The following RBFOX1 variants were observed in gnomAD, a reference collection of about 807,000 sequenced individuals.
RBFOX1 encodes RNA binding protein fox-1 homolog 1.
Under a neutral mutation model 57.7 loss-of-function variants are expected in RBFOX1, and 8 were observed. That is an observed-to-expected ratio of 0.14 (90% CI 0.08 to 0.25). RBFOX1 has a LOEUF of 0.25. Among genes scored for constraint, RBFOX1 ranks in the 10% least tolerant of loss-of-function variants. The pLI, the probability that RBFOX1 is intolerant of heterozygous loss-of-function variation, is 1.00. For synonymous variants in RBFOX1, 326 were observed against 222.4 expected (o/e 1.47, Z -4.15); for missense variants, 611 against 548.5 (o/e 1.11, Z -1.14).
In RBFOX1 at chr16:7,182,318, C is replaced by CA. The variant is rs1225082676; in HGVS notation, c.27+130229dup. On this transcript the variant is annotated intron_variant, in intron 4 of 15. Transcript: ENST00000550418. ...ATTCCGAGAGTCACCTGCCCCCCTG[C>CA]AAAAAAAAAGACCAAAAAGTAAAAA... 4.5e-3 allele frequency among the ~76,000 whole-genome samples: 685 copies of CA among 150,560 alleles called. 6 individuals are homozygous for CA. Among genetic ancestry groups the CA allele is most frequent in the Middle Eastern group, 0.017 (5 of 294 alleles).
At chr16:6,055,249 A>G (rs1474632299) in intron 1 of RBFOX1, among the ~76,000 whole-genome samples, 2 of 152,056 alleles carry the variant, frequency 1.3e-5, no homozygotes, top group African/African-American at 4.8e-5. Flanking sequence ...TCTTCTTTCA[A>G]TGCACTTGTG....
intron 3 of RBFOX1, among the ~76,000 whole-genome samples, chr16:6,724,924 T>G (rs2066835701): frequency 6.6e-6 from 1 of 152,140 alleles, no homozygotes; most frequent in South Asian, 2.1e-4. Flanking sequence ...GTAGCATTTG[T>G]AAACTGTCAT....
At chr16:5,335,757 C>T (rs963064598) in intron 1 of RBFOX1, among the ~76,000 whole-genome samples, 1 of 152,128 alleles carries the variant, frequency 6.6e-6, no homozygotes, top group Non-Finnish European at 1.5e-5. Flanking sequence ...ACTGTATCTT[C>T]AGAAGCCAGC....
At chr16:5,798,626 C>T (rs1237657597) in intron 3 of RBFOX1, among the ~76,000 whole-genome samples, 1 of 152,180 alleles carries the variant, frequency 6.6e-6, no homozygotes, top group Non-Finnish European at 1.5e-5. Context: ...GGATCACTCA[C>T]CTATATGCCT....
At chr16:7,156,243 T>C (rs868390114) in intron 4 of RBFOX1, among the ~76,000 whole-genome samples, 7 of 149,558 alleles carry the variant, frequency 4.7e-5, no homozygotes, top group South Asian at 2.1e-4. Context: ...CACACACATA[T>C]ATATGTATAC....
chr16:7,457,927 A>G (rs115612134), intron 4 of RBFOX1, among the ~76,000 whole-genome samples: 2 of 152,272 alleles, frequency 1.3e-5, no homozygotes, highest in East Asian at 1.9e-4. Flanking sequence ...CCCTCCAACA[A>G]GCATGATCTT....
chr16:6,901,586 C>T (rs1434774049), intron 3 of RBFOX1, among the ~76,000 whole-genome samples: 1 of 152,132 alleles, frequency 6.6e-6, no homozygotes, highest in Non-Finnish European at 1.5e-5. Context: ...CTCAATTATG[C>T]TGTGAGAGGC....
rs141304123 is a variant in RBFOX1, at chr16:7,112,013, C to G, written c.27+59915C>G. 7.5e-3 allele frequency among the ~76,000 whole-genome samples: 1,146 copies of G among 152,146 alleles called. 13 individuals carry two copies. The highest frequency in any genetic ancestry group is 0.012 in the Non-Finnish European group (828 of 68,024). On this transcript the variant is annotated intron_variant, in intron 4 of 15. Transcript: ENST00000550418. ...TACAGTTTGGCCTATACAGATTGTACTTTTCATGAGACAGGAAAAGGGAGG... is the reference window on the plus strand; with the variant it reads ...TACAGTTTGGCCTATACAGATTGTAGTTTTCATGAGACAGGAAAAGGGAGG...
chr16:6,553,418 C>G (rs888970479), intron 2 of RBFOX1, among the ~76,000 whole-genome samples: 6 of 152,166 alleles, frequency 3.9e-5, no homozygotes, highest in Admixed American at 2.6e-4. Flanking sequence ...GGAGAATGCT[C>G]TTTTTGAGAT....
At chr16:7,347,275 T>A (rs192524095) in intron 4 of RBFOX1, among the ~76,000 whole-genome samples, 9 of 152,160 alleles carry the variant, frequency 5.9e-5, no homozygotes, top group African/African-American at 2.2e-4. Flanking sequence ...GAGAGAGGCT[T>A]ATTGGGCTTA....
At chr16:7,235,047 ATTC>A (rs1409665947) in intron 4 of RBFOX1, among the ~76,000 whole-genome samples, 6 of 152,202 alleles carry the variant, frequency 3.9e-5, no homozygotes, top group African/African-American at 1.4e-4. Context: ...CTATGGTGGA[ATTC>A]TTCTTAGCAA....
intron 4 of RBFOX1, among the ~76,000 whole-genome samples, chr16:7,497,018 T>C (rs2068890442): frequency 6.6e-6 from 1 of 152,122 alleles, no homozygotes; most frequent in Admixed American, 6.5e-5. Context: ...ACCACAGTCA[T>C]TTTATTGCCT....
chr16:5,507,710 G>C (rs563957593), intron 2 of RBFOX1, among the ~76,000 whole-genome samples: 31 of 152,268 alleles, frequency 2.0e-4, no homozygotes, highest in African/African-American at 7.2e-4. Context: ...CTTATAAAAA[G>C]ATGAACTTTG....
chr16:7,179,565 AT>A (rs1396179420), intron 4 of RBFOX1, among the ~76,000 whole-genome samples: 1 of 151,972 alleles, frequency 6.6e-6, no homozygotes, highest in Non-Finnish European at 1.5e-5. Flanking sequence ...TTTGTCAGAC[AT>A]TTTAAATTTA....
chr16:7,014,879 C>A (rs1339953255), intron 3 of RBFOX1, among the ~76,000 whole-genome samples: 1 of 152,000 alleles, frequency 6.6e-6, no homozygotes, highest in Non-Finnish European at 1.5e-5. Flanking sequence ...CATGTGCCAC[C>A]ACACCCGGCT....
intron 3 of RBFOX1, among the ~76,000 whole-genome samples, chr16:5,624,477 G>A (rs1247480961): frequency 2.0e-5 from 3 of 152,236 alleles, no homozygotes; most frequent in Non-Finnish European, 4.4e-5. Flanking sequence ...GATCACAGGC[G>A]TGAGCCATCG....
At chr16:6,342,351 G>A (rs1357126290) in intron 2 of RBFOX1, among the ~76,000 whole-genome samples, 1 of 152,166 alleles carries the variant, frequency 6.6e-6, no homozygotes, top group East Asian at 1.9e-4. Context: ...ATGAATTAGA[G>A]ATAGATTAAA....
At chr16:7,011,534 G>C (rs1229946043) in intron 3 of RBFOX1, among the ~76,000 whole-genome samples, 2 of 152,126 alleles carry the variant, frequency 1.3e-5, no homozygotes, top group African/African-American at 4.8e-5. Flanking sequence ...TGTTTTTTGA[G>C]ACGAAGTCTT....
At chr16:7,069,149 A>G (rs1567144130) in intron 4 of RBFOX1, among the ~76,000 whole-genome samples, 1 of 84,404 alleles carries the variant, frequency 1.2e-5, no homozygotes, top group Non-Finnish European at 2.7e-5. Context: ...TATGAAAAAC[A>G]CCTATGAACC....
Sources: gnomAD v4.1 joint callset for allele counts (sites outside exome capture counted in the v4.1 genomes callset) on GRCh38, gnomAD v4.1.1 for gene constraint, MANE v1.5 for transcripts, NCBI Gene and HGNC (gene_info 2026-07-23, HGNC 2026-07-21) for gene names.